SNCG: variants seen among roughly 807,000 people sequenced by gnomAD.
SNCG encodes gamma-synuclein.
In SNCG, 13 loss-of-function variants were observed where a neutral mutation model predicts 16.0. That is an observed-to-expected ratio of 0.81 (90% CI 0.53 to 1.29). The LOEUF (loss-of-function observed/expected upper bound fraction) is 1.29. Ranked by LOEUF, SNCG falls within the 50% of genes most tolerant of loss-of-function variation. The pLI is 0.00. For synonymous variants in SNCG, 66 were observed against 66.3 expected, an observed-to-expected ratio of 1.00 and a Z score of 0.02; for missense variants, 154 against 168.5, an observed-to-expected ratio of 0.91 and a Z score of 0.48.
In SNCG at chr10:86,962,954, C is replaced by T; in HGVS notation, c.364-11C>T. 1 of 1,601,092 alleles carries T rather than the reference C, an allele frequency of 6.2e-7. No individual in the cohort carries two copies. The highest frequency in any genetic ancestry group is 8.5e-7 in the Non-Finnish European group (1 of 1,174,814). ...CCTGGAGCTGGGTGTGCAGGTCATT[C>T]TCTCTCCCAGGCCCAGAGTGGGGGA... On this transcript the variant is annotated splice_polypyrimidine_tract_variant and intron_variant, in intron 4 of 4. Coordinates refer to ENST00000372017, the MANE Select transcript of SNCG (RefSeq NM_003087.3).
At chr10:86,957,400 T>C (rs1307327090), upstream of SNCG, 1 of 1,613,438 alleles carries the variant, frequency 6.2e-7, no homozygotes, top group Non-Finnish European at 8.5e-7. Flanking sequence ...TCCTTGCCGG[T>C]GTCCTCAGCC....
At chr10:86,960,514 A>C (rs1296805238) in intron 3 of SNCG, among the ~76,000 whole-genome samples, 2 of 152,192 alleles carry the variant, frequency 1.3e-5, no homozygotes, top group Non-Finnish European at 2.9e-5. Context: ...GAGTAGCACC[A>C]GCCCCGCCCC....
intron 3 of SNCG, among the ~76,000 whole-genome samples, 175 bp from the exon 4 acceptor site, chr10:86,962,429 C>T (rs1189724426): frequency 2.0e-5 from 3 of 152,092 alleles, no homozygotes; most frequent in Non-Finnish European, 2.9e-5. Flanking sequence ...TCATCAGAGC[C>T]CCGGGTATTG....
chr10:86,958,646 A>G lies in SNCG; in HGVS notation c.-52A>G. 5 of 1,611,176 alleles carry G rather than the reference A, an allele frequency of 3.1e-6. No individual in the cohort carries two copies. Among genetic ancestry groups the G allele is most frequent in the East Asian group, 2.2e-5 (1 of 44,804 alleles). ...GAGCCAGCTCAAGCCCGCAGCTCGC[A>G]GGGAGATCCAGCTCCGTCCTGCCTG... is the stretch of plus-strand genomic sequence containing the variant. On this transcript the variant is annotated 5_prime_UTR_variant, in exon 1 of 5. Transcript: ENST00000372017.
rs115210593 is a variant in SNCG, at chr10:86,962,912, G to A, written c.364-53G>A. 2,629 of 1,573,752 alleles carry A rather than the reference G, an allele frequency of 1.7e-3. 45 individuals are homozygous for A. The African/African-American group carries it at 0.03, about 18-fold the overall frequency. ...AACTTTTCTCAGCCCACTCAGGGTGGCCCATTAAGGCTGGGGCCTGGAGCT... is the reference window on the plus strand; with the variant it reads ...AACTTTTCTCAGCCCACTCAGGGTGACCCATTAAGGCTGGGGCCTGGAGCT... On this transcript the variant is annotated intron_variant, in intron 4 of 4. Transcript: ENST00000372017.
chr10:86,962,018 TG>T (rs1281967294), intron 3 of SNCG, among the ~76,000 whole-genome samples: 1 of 152,212 alleles, frequency 6.6e-6, no homozygotes, highest in Non-Finnish European at 1.5e-5. Flanking sequence ...GAGAGAGGAC[TG>T]TGTAACCTCT....
In SNCG at chr10:86,959,199, T is replaced by C. The variant is rs1844293809; in HGVS notation, c.121+381T>C. ...GGCTACAGCCAGGTCACGGATCCCC[T>C]CCCTCCCCAGAGAGAAGGGGCAGGC... On this transcript the variant is annotated intron_variant, in intron 1 of 4. Transcript: ENST00000372017. The surrounding 1 kb of genome is among the most constrained non-coding windows in gnomAD (Gnocchi z 4.3). 6.6e-6 allele frequency among the ~76,000 whole-genome samples: 1 copy of C among 151,798 alleles called. No homozygotes were observed. Among genetic ancestry groups the C allele is most frequent in the African/African-American group, 2.4e-5 (1 of 41,320 alleles).
chr10:86,962,676 G>C lies in SNCG; in HGVS notation c.363+1G>C. 1 of 1,610,666 alleles carries C rather than the reference G, an allele frequency of 6.2e-7. No homozygotes were observed. ...AGAGAAAGAGGAAGTGGCAGAGGAG[G>C]TAGGAGCTGGGCTCCTGGGGTGCAC... On this transcript the variant is annotated splice_donor_variant, in intron 4 of 4. Transcript: ENST00000372017. LOFTEE classifies it high-confidence loss of function.
chr10:86,962,719 T>TACCA, intron 4 of SNCG, 44 bp downstream of exon 4: 5 of 1,472,152 alleles, frequency 3.4e-6, no homozygotes, highest in Non-Finnish European at 4.7e-6. Flanking sequence ...GGTTCCTTGG[T>TACCA]AGGGACCCCA....
upstream of SNCG, chr10:86,957,888 C>T (rs959842072): frequency 1.8e-6 from 2 of 1,099,190 alleles, no homozygotes; most frequent in Non-Finnish European, 2.2e-6. Flanking sequence ...GGTGGGGCCA[C>T]AGGAAGTGGT....
At position 86,959,358 on chromosome 10, in the gene SNCG, C is replaced by T. The variant is rs959578723; in HGVS notation, c.122-275C>T. 1.6e-5 allele frequency: 9 copies of T among 564,714 alleles called. No homozygotes were observed. The highest frequency in any genetic ancestry group is 2.2e-5 in the Non-Finnish European group (7 of 319,318). 35.0% of individuals were successfully genotyped at this position (564,714 alleles called of 1,614,324 possible). Reference sequence around the variant, plus strand: ...CCTGTTGCTGCTTCTGAGGCCCGGCCACACCCGGGCAGGGGCTGGACCCTG... The same window carrying T: ...CCTGTTGCTGCTTCTGAGGCCCGGCTACACCCGGGCAGGGGCTGGACCCTG... On this transcript the variant is annotated intron_variant, in intron 1 of 4. Coordinates refer to ENST00000372017, the MANE Select transcript of SNCG (RefSeq NM_003087.3). The surrounding 1 kb of genome is among the most constrained non-coding windows in gnomAD (Gnocchi z 4.3).
upstream of SNCG, chr10:86,957,686 C>G (rs2133692180): frequency 1.5e-6 from 2 of 1,337,244 alleles, no homozygotes; most frequent in South Asian, 3.0e-5. Flanking sequence ...GCCGGCCTAC[C>G]CGGTGGGTCT....
chr10:86,962,087 T>C (rs547500914), intron 3 of SNCG, among the ~76,000 whole-genome samples: 171 of 152,360 alleles, frequency 1.1e-3, no homozygotes, highest in Middle Eastern at 6.8e-3. Flanking sequence ...GAGGGAGCCA[T>C]GCTCCTGTGG....
chr10:86,957,384 A>G, upstream of SNCG: 1 of 1,613,110 alleles, frequency 6.2e-7, no homozygotes, highest in East Asian at 2.2e-5. Context: ...TTACCGTCCT[A>G]CGGGGTCCTT....
intron 3 of SNCG, 22 bp downstream of exon 3, chr10:86,960,150 T>TGCCCAGTC: frequency 6.2e-7 from 1 of 1,600,418 alleles, no homozygotes; most frequent in South Asian, 1.1e-5. Context: ...CCCTCAGACC[T>TGCCCAGTC]GCCCAGTCCT....
chr10:86,956,675 A>C (rs1242611003), upstream of SNCG, among the ~76,000 whole-genome samples: 1 of 152,148 alleles, frequency 6.6e-6, no homozygotes. Flanking sequence ...TGTTGGAGGG[A>C]TGAACTGAGA....
rs900701591 is a variant in SNCG at position 86,959,912 on chromosome 10, A to G, written c.164-89A>G. 5.2e-6 allele frequency: 8 copies of G among 1,535,332 alleles called. No individual in the cohort carries two copies. Among genetic ancestry groups the G allele is most frequent in the Non-Finnish European group, 5.3e-6 (6 of 1,137,052 alleles). On this transcript the variant is annotated intron_variant, in intron 2 of 4. Transcript: ENST00000372017. The surrounding 1 kb of genome is among the most constrained non-coding windows in gnomAD (Gnocchi z 4.3). ...GGGTCCCAGCAGGGCCAGGGCTCTGAGCTCCTGGGAAGGGGCTGCGAGCCT... is the reference window on the plus strand; with the variant it reads ...GGGTCCCAGCAGGGCCAGGGCTCTGGGCTCCTGGGAAGGGGCTGCGAGCCT...
At position 86,960,094 on chromosome 10, in the gene SNCG, A is replaced by T; in HGVS notation, c.257A>T (p.Glu86Val). ...TVATKTVEEAENIAVTSGVVR... is the reference protein window; with the variant it reads ...TVATKTVEEAVNIAVTSGVVR... ...GCCACCAAGACCGTGGAGGAGGCGG[A>T]GAACATCGCGGTCACCTCCGGGGTG... The change falls in exon 3 of 5, where the codon GAG (glutamate) becomes GTG (valine). Residue 86 changes from glutamate (E) to valine (V), a missense_variant. By Grantham distance (121) the Glu-to-Val change is moderately radical. Coordinates refer to ENST00000372017, the MANE Select transcript of SNCG (RefSeq NM_003087.3). The T allele has an allele frequency of 1.9e-6, 3 of 1,613,116 alleles. No individual in the cohort carries two copies. The highest frequency in any genetic ancestry group is 2.5e-6 in the Non-Finnish European group (3 of 1,179,766).
chr10:86,957,265 T>C (rs2133691628), upstream of SNCG: 1 of 1,111,864 alleles, frequency 9.0e-7, no homozygotes, highest in Non-Finnish European at 1.3e-6. Context: ...AGATAGATAC[T>C]ATTAGCCCAT....
Sources: gnomAD v4.1 joint callset for allele counts (sites outside exome capture counted in the v4.1 genomes callset) on GRCh38, gnomAD v4.1.1 for gene constraint, Gnocchi (gnomAD v3.1) non-coding constraint, MANE v1.5 for transcripts, NCBI Gene and HGNC (gene_info 2026-07-23, HGNC 2026-07-21) for gene names.